Variants in ASH1L observed in about 807,000 individuals in gnomAD.
The protein encoded by ASH1L is ASH1 like histone lysine methyltransferase, also known as histone-lysine N-methyltransferase ASH1L.
ASH1L carries 23 observed loss-of-function variants against 269.0 expected under a neutral mutation model. That is an observed-to-expected ratio of 0.09 (90% CI 0.06 to 0.12). The LOEUF (loss-of-function observed/expected upper bound fraction) is 0.12, where lower values mean the gene tolerates loss of function less well. ASH1L is among the 10% of genes least tolerant of loss of function. ASH1L has a pLI of 1.00. For synonymous variants in ASH1L, 1,187 were observed against 1,253.5 expected (o/e 0.95, Z 1.12); for missense variants, 2,912 against 3,567.8 (o/e 0.82, Z 4.68).
rs193273160 is a variant in ASH1L at position 155,339,337 on chromosome 1, T to C, written c.8492A>G (p.Asn2831Ser). 126 of 1,613,594 alleles carry C rather than the reference T, an allele frequency of 7.8e-5. No individual in the cohort carries two copies. Among genetic ancestry groups the C allele is most frequent in the Admixed American group, 1.2e-4 (7 of 60,018 alleles). The change falls in exon 26 of 28, where the codon AAT becomes AGT. Residue 2831 changes from asparagine to serine, a missense_variant. This residue lies in a region of ASH1L where 154 missense variants were observed against 165.0 expected (regional missense o/e 0.93). Transcript: ENST00000392403. ...CCCCCATGGGACTTACCGTCCTCCA[T>C]TCCTCTTGTAGTTGTCTGGGACGTA... is the stretch of plus-strand genomic sequence containing the variant. ...PHYVPDNYKR[N>S]GGRSSWKSER...
intron 18 of ASH1L, 41 bp from the exon 19 acceptor site, chr1:155,349,500 A>T (rs755562937): frequency 6.2e-7 from 1 of 1,614,054 alleles, no homozygotes; most frequent in Admixed American, 1.7e-5. Context: ...CACACTTAGC[A>T]CTTTTTAAAA....
At chr1:155,523,682 GTCAA>G (rs1477861578) in intron 1 of ASH1L, among the ~76,000 whole-genome samples, 2 of 152,126 alleles carry the variant, frequency 1.3e-5, no homozygotes, top group African/African-American at 2.4e-5. Context: ...GTCTAGCCTG[GTCAA>G]CATGTCGAAA....
At chr1:155,476,199 A>C (rs981746626) in intron 3 of ASH1L, among the ~76,000 whole-genome samples, 1 of 152,116 alleles carries the variant, frequency 6.6e-6, no homozygotes, top group Non-Finnish European at 1.5e-5. Flanking sequence ...ATCCTGGCTA[A>C]CACGGTGAAA....
rs938950918 is a variant in ASH1L, at chr1:155,493,827, T to C, written c.421-11378A>G. On this transcript the variant is annotated intron_variant, in intron 2 of 27. Coordinates refer to ENST00000392403, the MANE Select transcript of ASH1L (RefSeq NM_018489.3). ...AGGCAGAGGTTGCAGTGAGCTGAGA[T>C]CGTGCCACTGCACTCCAGCCTGGGG... 6.6e-5 allele frequency among the ~76,000 whole-genome samples: 10 copies of C among 152,272 alleles called. No homozygotes were observed. In the East Asian group the frequency reaches 7.7e-4, roughly 12 times the overall value.
intron 1 of ASH1L, among the ~76,000 whole-genome samples, chr1:155,555,015 C>T (rs1047987535): frequency 3.3e-5 from 5 of 150,804 alleles, no homozygotes; most frequent in African/African-American, 1.2e-4. Flanking sequence ...TGGTGGCATA[C>T]ACCAGTAGTC....
chr1:155,429,793 CTTGTTTGTCTCTT>C (rs1454853634), intron 5 of ASH1L, among the ~76,000 whole-genome samples: 1 of 152,004 alleles, frequency 6.6e-6, no homozygotes, highest in Non-Finnish European at 1.5e-5. Flanking sequence ...TATGTATTCT[CTTGTTTGTCTCTT>C]ATTTGTTTTT....
In ASH1L at chr1:155,534,184, A is replaced by G. The variant is rs187363673; in HGVS notation, c.-99-12566T>C. Among the ~76,000 whole-genome samples the G allele has an allele frequency of 5.6e-3, 851 of 151,508 alleles. 7 individuals carry two copies. Among genetic ancestry groups the G allele is most frequent in the African/African-American group, 0.02 (810 of 41,228 alleles). The stretch of plus-strand genomic sequence containing the variant: ...CCGAGATCCAATCTCAAAAAAGAAA[A>G]AAAAAAAAAATTTGGAATTCACAAA... On this transcript the variant is annotated intron_variant, in intron 1 of 27. Coordinates refer to ENST00000392403, the MANE Select transcript of ASH1L (RefSeq NM_018489.3).
At chr1:155,392,173 G>C (rs1217384452) in intron 7 of ASH1L, among the ~76,000 whole-genome samples, 1 of 152,074 alleles carries the variant, frequency 6.6e-6, no homozygotes, top group African/African-American at 2.4e-5. Context: ...CAGTTACCTA[G>C]ATAAGTGGCT....
intron 6 of ASH1L, among the ~76,000 whole-genome samples, chr1:155,403,319 C>CA (rs1227710150): frequency 2.7e-5 from 4 of 150,880 alleles, no homozygotes; most frequent in South Asian, 2.1e-4. Context: ...ACTCCTGTTT[C>CA]AAAAAAAACC....
intron 4 of ASH1L, among the ~76,000 whole-genome samples, chr1:155,450,838 G>A (rs1176744154): frequency 6.6e-6 from 1 of 152,124 alleles, no homozygotes; most frequent in Non-Finnish European, 1.5e-5. Flanking sequence ...ACAAAATGTG[G>A]TAAAACATAC....
rs756247812 is a variant in ASH1L at position 155,339,329 on chromosome 1, G to T, written c.8500C>A (p.Arg2834=). The part of the protein sequence containing the change: ...VPDNYKRNGG[R]SSWKSERSKP... Reference sequence around the variant, plus strand: ...CTCATATCCCCCCATGGGACTTACCGTCCTCCATTCCTCTTGTAGTTGTCT... The same window carrying T: ...CTCATATCCCCCCATGGGACTTACCTTCCTCCATTCCTCTTGTAGTTGTCT... Residue 2834 remains arginine, a splice_region_variant and synonymous_variant, in exon 26 of 28, where the codon CGA becomes AGA. Transcript: ENST00000392403. 1.2e-6 allele frequency: 2 copies of T among 1,613,404 alleles called. No homozygotes were observed. Among genetic ancestry groups the T allele is most frequent in the Admixed American group, 3.3e-5 (2 of 60,000 alleles).
chr1:155,535,171 A>C (rs1033479998), intron 1 of ASH1L, among the ~76,000 whole-genome samples: 1 of 151,960 alleles, frequency 6.6e-6, no homozygotes, highest in Non-Finnish European at 1.5e-5. Context: ...CCTGGGCAAC[A>C]ATAGTAAAAC....
At chr1:155,449,240 G>A (rs1242239370) in intron 4 of ASH1L, among the ~76,000 whole-genome samples, 1 of 151,944 alleles carries the variant, frequency 6.6e-6, no homozygotes, top group Non-Finnish European at 1.5e-5. Context: ...GGCCCTATGT[G>A]TCTTTCATTT....
intron 1 of ASH1L, among the ~76,000 whole-genome samples, chr1:155,540,807 C>G (rs1165880361): frequency 1.3e-5 from 2 of 152,152 alleles, no homozygotes; most frequent in African/African-American, 4.8e-5. Context: ...AAAGCAAACA[C>G]TCATACATCT....
At chr1:155,462,626 T>G (rs1310034055) in intron 3 of ASH1L, among the ~76,000 whole-genome samples, 1 of 152,224 alleles carries the variant, frequency 6.6e-6, no homozygotes, top group Non-Finnish European at 1.5e-5. Flanking sequence ...AGAGATGGCT[T>G]ACTTAGCTCA....
intron 2 of ASH1L, among the ~76,000 whole-genome samples, chr1:155,489,835 TAAC>T (rs1175857517): frequency 2.0e-5 from 3 of 150,618 alleles, no homozygotes; most frequent in African/African-American, 7.3e-5. Flanking sequence ...AATAAATAAA[TAAC>T]AATATGGTAA....
intron 2 of ASH1L, among the ~76,000 whole-genome samples, chr1:155,484,214 C>T (rs1393471411): frequency 6.6e-6 from 1 of 152,194 alleles, no homozygotes; most frequent in African/African-American, 2.4e-5. Flanking sequence ...ATAGGCCGGG[C>T]ATGGTGGCTC....
intron 2 of ASH1L, among the ~76,000 whole-genome samples, chr1:155,488,005 GCCT>G (rs1352540210): frequency 1.3e-5 from 2 of 151,706 alleles, no homozygotes; most frequent in Non-Finnish European, 2.9e-5. Flanking sequence ...CTCTGCCTCA[GCCT>G]CCTGAGTAGC....
chr1:155,438,193 G>T, intron 5 of ASH1L, 134 bp downstream of exon 5: 1 of 988,938 alleles, frequency 1.0e-6, no homozygotes, highest in Non-Finnish European at 1.4e-6. Flanking sequence ...CATAAGAACA[G>T]TTTTTGAAAA....
Sources: allele counts gnomAD v4.1 joint callset (sites outside exome capture counted in the v4.1 genomes callset), GRCh38; gene constraint gnomAD v4.1.1; regional missense constraint gnomAD v4.1.1; transcripts MANE v1.5; gene names NCBI Gene and HGNC (gene_info 2026-07-23, HGNC 2026-07-21).